The following AUTS2 variants were observed in gnomAD, a reference collection of about 807,000 sequenced individuals.
The protein encoded by AUTS2 is activator of transcription and developmental regulator AUTS2, also known as autism susceptibility gene 2 protein.
AUTS2 carries 17 observed loss-of-function variants against 112.4 expected under a neutral mutation model. The observed-to-expected ratio is 0.15, with a 90% CI of 0.10 to 0.23. AUTS2 has a LOEUF of 0.23. AUTS2 is among the 10% of genes least tolerant of loss of function. The pLI, the probability that AUTS2 is intolerant of heterozygous loss-of-function variation, is 1.00. For missense variants in AUTS2, 1,510 were observed against 1,701.6 expected, an observed-to-expected ratio of 0.89 and a Z score of 1.98; for synonymous variants, 751 against 702.7, an observed-to-expected ratio of 1.07 and a Z score of -1.09.
At chr7:69,985,224 C>T (rs945289651) in intron 2 of AUTS2, among the ~76,000 whole-genome samples, 53 of 118,292 alleles carry the variant, frequency 4.5e-4, no homozygotes, top group African/African-American at 1.8e-3. Flanking sequence ...GAGGAAGACT[C>T]TCTAAAAAAA....
chr7:70,247,729 T>C (rs1248146886), intron 4 of AUTS2, among the ~76,000 whole-genome samples: 1 of 152,212 alleles, frequency 6.6e-6, no homozygotes, highest in African/African-American at 2.4e-5. Flanking sequence ...CCAATCTTCA[T>C]ACTTTTATTT....
intron 1 of AUTS2, among the ~76,000 whole-genome samples, chr7:69,686,060 G>T (rs544065115): frequency 6.6e-6 from 1 of 152,194 alleles, no homozygotes; most frequent in Non-Finnish European, 1.5e-5. Flanking sequence ...TAGACTTCAT[G>T]TATGGAACCA....
At chr7:69,817,687 A>C (rs1278387187) in intron 1 of AUTS2, among the ~76,000 whole-genome samples, 1 of 152,102 alleles carries the variant, frequency 6.6e-6, no homozygotes, top group African/African-American at 2.4e-5. Flanking sequence ...AGAAGCGTGG[A>C]GAGCTGGGCA....
chr7:69,612,261 A>G (rs2851512), intron 1 of AUTS2, among the ~76,000 whole-genome samples: 108,190 of 151,772 alleles, frequency 0.71, 38,621 homozygotes, highest in East Asian at 0.78. Flanking sequence ...CTTGGGGCCC[A>G]CCTGAAGGAG....
intron 1 of AUTS2, among the ~76,000 whole-genome samples, chr7:69,640,857 A>G (rs1424432162): frequency 1.1e-4 from 16 of 152,230 alleles, no homozygotes; most frequent in Admixed American, 9.8e-4. Flanking sequence ...ATTGAACACA[A>G]TGGAGCATAT....
At chr7:70,760,219 A>C (rs1031298261) in intron 6 of AUTS2, among the ~76,000 whole-genome samples, 2 of 152,168 alleles carry the variant, frequency 1.3e-5, no homozygotes, top group African/African-American at 2.4e-5. Flanking sequence ...GTTAGCCAGG[A>C]TGGTCTCGAT....
At chr7:70,418,499 C>T (rs1438702903) in intron 4 of AUTS2, among the ~76,000 whole-genome samples, 4 of 152,166 alleles carry the variant, frequency 2.6e-5, no homozygotes, top group Admixed American at 6.5e-5. Flanking sequence ...AATCCAAATA[C>T]GTATCTTTCT....
intron 4 of AUTS2, among the ~76,000 whole-genome samples, chr7:70,172,309 G>C (rs191115832): frequency 3.9e-5 from 6 of 152,266 alleles, no homozygotes; most frequent in Admixed American, 3.9e-4. Context: ...CAGCTTTCCA[G>C]GTAGCTCTCA....
At chr7:70,524,335 G>T (rs950803324) in intron 5 of AUTS2, among the ~76,000 whole-genome samples, 1 of 152,190 alleles carries the variant, frequency 6.6e-6, no homozygotes, top group African/African-American at 2.4e-5. Flanking sequence ...TGTGAAGACT[G>T]TTTCCACCAT....
intron 2 of AUTS2, among the ~76,000 whole-genome samples, chr7:70,077,544 C>T (rs533071922): frequency 1.9e-4 from 29 of 152,222 alleles, no homozygotes; most frequent in African/African-American, 6.0e-4. Flanking sequence ...GTTTGTTGAC[C>T]TAAAGTGAAT....
intron 1 of AUTS2, among the ~76,000 whole-genome samples, chr7:69,727,189 G>A (rs1786558270): frequency 6.6e-6 from 1 of 152,076 alleles, no homozygotes; most frequent in Non-Finnish European, 1.5e-5. Flanking sequence ...GTGATATGAG[G>A]TAAGGGTAGA....
chr7:69,602,040 A>ATATATATATATATGTG (rs1474403063), intron 1 of AUTS2, among the ~76,000 whole-genome samples: 1 of 46,248 alleles, frequency 2.2e-5, no homozygotes, highest in Admixed American at 2.3e-4. Context: ...ATATATATAT[A>ATATATATATATATGTG]TGTGTGTGTG....
At chr7:70,735,515 G>C (rs1046635886) in intron 6 of AUTS2, among the ~76,000 whole-genome samples, 2 of 152,144 alleles carry the variant, frequency 1.3e-5, no homozygotes, top group Non-Finnish European at 2.9e-5. Flanking sequence ...ATTAGCCTTT[G>C]ACTTTAAGGA....
intron 1 of AUTS2, among the ~76,000 whole-genome samples, chr7:69,741,476 G>A (rs926970711): frequency 4.6e-5 from 7 of 152,158 alleles, no homozygotes; most frequent in Admixed American, 3.3e-4. Flanking sequence ...AGGCCAAGTT[G>A]GGCGGATTGC....
chr7:69,925,244 C>G (rs890711255), intron 2 of AUTS2, among the ~76,000 whole-genome samples: 2 of 151,886 alleles, frequency 1.3e-5, no homozygotes. Context: ...TGATTTTTCT[C>G]TGTTGTTTTA....
At chr7:70,531,461 G>A (rs537775828) in intron 5 of AUTS2, among the ~76,000 whole-genome samples, 8 of 152,280 alleles carry the variant, frequency 5.3e-5, no homozygotes, top group Non-Finnish European at 8.8e-5. Flanking sequence ...TGGTTCTGCA[G>A]GCTTTGCAAG....
At chr7:70,627,658 G>T (rs1805020832) in intron 5 of AUTS2, among the ~76,000 whole-genome samples, 1 of 152,188 alleles carries the variant, frequency 6.6e-6, no homozygotes, top group African/African-American at 2.4e-5. Context: ...TGTAGGGCTG[G>T]CGCCAGTTCC....
chr7:69,801,034 C>G (rs561204320), intron 1 of AUTS2, among the ~76,000 whole-genome samples: 1 of 152,196 alleles, frequency 6.6e-6, no homozygotes, highest in South Asian at 2.1e-4. Flanking sequence ...GAATAACTTA[C>G]TACAGTTTTT....
chr7:70,600,862 C>T (rs1218359257), intron 5 of AUTS2, among the ~76,000 whole-genome samples: 2 of 152,184 alleles, frequency 1.3e-5, no homozygotes, highest in Non-Finnish European at 2.9e-5. Flanking sequence ...TACTCCATTT[C>T]CTTCATGGGA....
Sources: gnomAD v4.1 joint callset for allele counts (sites outside exome capture counted in the v4.1 genomes callset) on GRCh38, gnomAD v4.1.1 for gene constraint, MANE v1.5 for transcripts, NCBI Gene and HGNC (gene_info 2026-07-23, HGNC 2026-07-21) for gene names.